KLHL14: variants seen among roughly 807,000 people sequenced by gnomAD.
KLHL14 encodes kelch-like protein 14.
In KLHL14, 22 loss-of-function variants were observed where a neutral mutation model predicts 64.3. The observed-to-expected ratio is 0.34, with a 90% CI of 0.24 to 0.49. The LOEUF is 0.49. KLHL14 is among the 20% of genes least tolerant of loss of function. KLHL14 has a pLI of 0.99. For synonymous variants in KLHL14, 322 were observed against 333.4 expected, an observed-to-expected ratio of 0.97 and a Z score of 0.37; for missense variants, 661 against 789.0, an observed-to-expected ratio of 0.84 and a Z score of 1.94.
chr18:32,715,000 T>G (rs1286792746), intron 3 of KLHL14, among the ~76,000 whole-genome samples: 1 of 152,100 alleles, frequency 6.6e-6, no homozygotes, highest in Non-Finnish European at 1.5e-5. Flanking sequence ...CAAAATCTAT[T>G]TCAACCTTTC....
chr18:32,749,527 T>C (rs570799652), intron 2 of KLHL14, among the ~76,000 whole-genome samples: 22 of 152,304 alleles, frequency 1.4e-4, no homozygotes, highest in Non-Finnish European at 3.2e-4. Context: ...AGCCACTCTG[T>C]AGAGCCAGTC....
intron 3 of KLHL14, among the ~76,000 whole-genome samples, chr18:32,730,089 C>A (rs1032210506): frequency 6.6e-6 from 1 of 152,176 alleles, no homozygotes; most frequent in African/African-American, 2.4e-5. Flanking sequence ...AAGGTATTTA[C>A]TATATTCAAT....
intron 2 of KLHL14, chr18:32,744,477 CAA>C (rs3042636): frequency 0.019 from 2,532 of 135,086 alleles, 52 homozygotes; most frequent in African/African-American, 0.041. Flanking sequence ...AACTCCATGT[CAA>C]AAAAAAAAAA....
intron 2 of KLHL14, among the ~76,000 whole-genome samples, chr18:32,768,885 C>G (rs1038460498): frequency 6.6e-6 from 1 of 152,172 alleles, no homozygotes; most frequent in South Asian, 2.1e-4. Flanking sequence ...AGCTAGAAGC[C>G]TCTCCACTCC....
chr18:32,684,126 C>G (rs2049858330), intron 5 of KLHL14, among the ~76,000 whole-genome samples: 1 of 152,108 alleles, frequency 6.6e-6, no homozygotes, highest in African/African-American at 2.4e-5. Flanking sequence ...GTTACCAAAG[C>G]ATTTCTACTG....
chr18:32,747,636 C>T (rs917603010), intron 2 of KLHL14, among the ~76,000 whole-genome samples: 7 of 152,166 alleles, frequency 4.6e-5, no homozygotes, highest in African/African-American at 1.7e-4. Flanking sequence ...CACTCGCTTG[C>T]CCACCACTCA....
chr18:32,753,118 C>T (rs561448607), intron 2 of KLHL14, among the ~76,000 whole-genome samples: 1 of 151,934 alleles, frequency 6.6e-6, no homozygotes, highest in Non-Finnish European at 1.5e-5. Flanking sequence ...CTCTAACACA[C>T]GTTAAAATAT....
At chr18:32,746,926 T>TA (rs774254791) in intron 2 of KLHL14, among the ~76,000 whole-genome samples, 4 of 152,346 alleles carry the variant, frequency 2.6e-5, no homozygotes, top group Non-Finnish European at 2.9e-5. Context: ...GGATGAGTCT[T>TA]AAAAAATCAA....
chr18:32,714,795 G>T (rs1463092013), intron 3 of KLHL14, among the ~76,000 whole-genome samples: 1 of 151,912 alleles, frequency 6.6e-6, no homozygotes, highest in Non-Finnish European at 1.5e-5. Context: ...ACTATGCTCA[G>T]GTACAGGACT....
At chr18:32,691,241 T>C (rs966496451) in intron 4 of KLHL14, among the ~76,000 whole-genome samples, 11 of 152,208 alleles carry the variant, frequency 7.2e-5, no homozygotes, top group Non-Finnish European at 1.6e-4. Flanking sequence ...GAGAGTGCCT[T>C]CATGTGCTGA....
intron 2 of KLHL14, among the ~76,000 whole-genome samples, chr18:32,742,311 T>C (rs199743672): frequency 3.3e-5 from 5 of 149,924 alleles, no homozygotes; most frequent in Non-Finnish European, 7.4e-5. Context: ...ACGACCTTTT[T>C]CTTATATTAT....
At chr18:32,721,970 T>A (rs1309552376) in intron 3 of KLHL14, among the ~76,000 whole-genome samples, 1 of 152,110 alleles carries the variant, frequency 6.6e-6, no homozygotes. Flanking sequence ...ATGGGAGGGA[T>A]CCGGTGGGAG....
chr18:32,681,464 T>C (rs73955256), intron 5 of KLHL14, among the ~76,000 whole-genome samples: 4,149 of 152,146 alleles, frequency 0.027, 187 homozygotes, highest in African/African-American at 0.095. Flanking sequence ...AGTAATAAAA[T>C]ATGAGAGCTG....
At position 32,677,209 on chromosome 18, in the gene KLHL14, G is replaced by A. The variant is rs2049815496; in HGVS notation, c.1710C>T (p.Asp570=). 6.2e-7 allele frequency: 1 copy of A among 1,613,488 alleles called. No homozygotes were observed. The highest frequency in any genetic ancestry group is 2.2e-5 in the East Asian group (1 of 44,882). Residue 570 remains aspartate (D), a synonymous_variant, in exon 8 of 9, where the codon GAC becomes GAT. Coordinates refer to ENST00000359358, the MANE Select transcript of KLHL14 (RefSeq NM_020805.3). The part of the protein sequence containing the change: ...RSGPGCAVLD[D]SIYLVGGYSW... ...TGTAGCCTCCCACAAGGTAAATGCT[G>A]TCATCAAGCACTGCACAGCCAGGGC...
rs773069459 is a variant in KLHL14 at position 32,680,134 on chromosome 18, A to G, written c.1588+35T>C. ...GCGAGAAATATGAGGTGCAAATGTT[A>G]TTGTGACTAAAAAACAAAACAACAA... On this transcript the variant is annotated intron_variant, in intron 7 of 8. Transcript: ENST00000359358. This position sits in a 1 kb window ranked among gnomAD's most constrained non-coding sequence, Gnocchi z 4.8. The G allele has an allele frequency of 1.2e-6, 2 of 1,604,034 alleles. No homozygotes were observed. The highest frequency in any genetic ancestry group is 2.7e-5 in the African/African-American group (2 of 74,650).
intron 8 of KLHL14, among the ~76,000 whole-genome samples, chr18:32,675,508 G>A (rs1357190779): frequency 6.6e-6 from 1 of 152,150 alleles, no homozygotes; most frequent in Non-Finnish European, 1.5e-5. Context: ...TTTTGCTACT[G>A]TGAAGAATCA....
intron 3 of KLHL14, among the ~76,000 whole-genome samples, chr18:32,716,887 T>G (rs112318906): frequency 0.03 from 4,599 of 152,302 alleles, 101 homozygotes; most frequent in Non-Finnish European, 0.042. Flanking sequence ...CCTAAAAGCT[T>G]TAGTTTAATT....
chr18:32,769,513 CGT>C (rs2050365160), intron 2 of KLHL14, 130 bp downstream of exon 2: 21 of 803,698 alleles, frequency 2.6e-5, no homozygotes, highest in Non-Finnish European at 4.0e-5. Flanking sequence ...GAATTGTTTG[CGT>C]TTGTTTTCAT....
At chr18:32,732,024 C>A (rs1031770792) in intron 3 of KLHL14, among the ~76,000 whole-genome samples, 1 of 152,048 alleles carries the variant, frequency 6.6e-6, no homozygotes, top group Non-Finnish European at 1.5e-5. Flanking sequence ...AGTTCAAGAC[C>A]AGCTTGGCCA....
Sources: gnomAD v4.1 joint callset for allele counts (sites outside exome capture counted in the v4.1 genomes callset) on GRCh38, gnomAD v4.1.1 for gene constraint, Gnocchi (gnomAD v3.1) non-coding constraint, MANE v1.5 for transcripts, NCBI Gene and HGNC (gene_info 2026-07-23, HGNC 2026-07-21) for gene names.